CAMK1D: variants seen among roughly 807,000 people sequenced by gnomAD.
CAMK1D encodes calcium/calmodulin-dependent protein kinase type 1D.
In CAMK1D, 9 loss-of-function variants were observed where a neutral mutation model predicts 47.7. The ratio of observed to expected loss-of-function variants is 0.19; its 90% CI spans 0.11 to 0.33. The LOEUF (loss-of-function observed/expected upper bound fraction) is 0.33, where lower values mean the gene tolerates loss of function less well. Ranked by LOEUF, CAMK1D falls within the 10% of genes least tolerant of loss-of-function variation. The pLI is 1.00. For missense variants in CAMK1D, 291 were observed against 488.7 expected, an observed-to-expected ratio of 0.60 and a Z score of 3.81; for synonymous variants, 184 against 184.9, an observed-to-expected ratio of 0.99 and a Z score of 0.04.
At chr10:12,508,701 C>G (rs1333724581) in intron 1 of CAMK1D, among the ~76,000 whole-genome samples, 1 of 152,202 alleles carries the variant, frequency 6.6e-6, no homozygotes, top group Non-Finnish European at 1.5e-5. Flanking sequence ...TGGGTCTCCT[C>G]CCTTTCTCCC....
chr10:12,367,398 G>T (rs973612723), intron 1 of CAMK1D, among the ~76,000 whole-genome samples: 10 of 152,014 alleles, frequency 6.6e-5, no homozygotes, highest in African/African-American at 2.2e-4. Context: ...GACGAGGGGT[G>T]GGGGGATGGT....
intron 2 of CAMK1D, among the ~76,000 whole-genome samples, chr10:12,613,578 A>T (rs969069404): frequency 2.0e-5 from 3 of 152,190 alleles, no homozygotes; most frequent in African/African-American, 7.2e-5. Flanking sequence ...CCGGGGGTGC[A>T]GGTGATTCTC....
At chr10:12,533,623 C>T (rs1835876198) in intron 1 of CAMK1D, among the ~76,000 whole-genome samples, 1 of 152,066 alleles carries the variant, frequency 6.6e-6, no homozygotes, top group Non-Finnish European at 1.5e-5. Flanking sequence ...ACCCTGCCTC[C>T]CTCTACTCTT....
chr10:12,559,515 C>G (rs996422376), intron 2 of CAMK1D, among the ~76,000 whole-genome samples: 5 of 152,116 alleles, frequency 3.3e-5, no homozygotes, highest in Non-Finnish European at 1.5e-5. Flanking sequence ...CGTATGATGA[C>G]TAGGAGTGTG....
chr10:12,805,386 TTA>T (rs1183728913), intron 6 of CAMK1D, among the ~76,000 whole-genome samples: 7 of 141,592 alleles, frequency 4.9e-5, no homozygotes, highest in African/African-American at 2.1e-4. Flanking sequence ...TTTTTTTTTT[TTA>T]AACACAGAGT....
rs571287312 is a variant in CAMK1D, at chr10:12,414,525, C to T, written c.92+64615C>T. Among the ~76,000 whole-genome samples the T allele has an allele frequency of 1.3e-3, 198 of 152,226 alleles. 1 individual carries two copies. Among genetic ancestry groups the T allele is most frequent in the African/African-American group, 4.1e-3 (169 of 41,542 alleles). On this transcript the variant is annotated intron_variant, in intron 1 of 10. Coordinates refer to ENST00000619168, the MANE Select transcript of CAMK1D (RefSeq NM_153498.4). Reference sequence around the variant, plus strand: ...TTTCTCATAGTCAGTGGGAGATGTACGTTTTGTACAAGCATTTTGCATTTT... The same window carrying T: ...TTTCTCATAGTCAGTGGGAGATGTATGTTTTGTACAAGCATTTTGCATTTT...
intron 1 of CAMK1D, among the ~76,000 whole-genome samples, chr10:12,495,428 T>C (rs17151786): frequency 0.23 from 34,920 of 152,166 alleles, 4,135 homozygotes; most frequent in African/African-American, 0.28. Flanking sequence ...AACCATGATA[T>C]GCCTTTTCCG....
At chr10:12,753,831 GC>G (rs1836105766) in intron 3 of CAMK1D, among the ~76,000 whole-genome samples, 1 of 152,056 alleles carries the variant, frequency 6.6e-6, no homozygotes, top group Non-Finnish European at 1.5e-5. Flanking sequence ...CATTTACTGG[GC>G]CTTGGCTGCC....
intron 6 of CAMK1D, among the ~76,000 whole-genome samples, chr10:12,794,009 G>C (rs1286757378): frequency 6.6e-6 from 1 of 152,206 alleles, no homozygotes; most frequent in African/African-American, 2.4e-5. Flanking sequence ...GGAGGGTTTT[G>C]AACAGTGTTG....
chr10:12,767,418 C>T (rs772488357), intron 4 of CAMK1D, among the ~76,000 whole-genome samples: 3 of 152,090 alleles, frequency 2.0e-5, no homozygotes, highest in Non-Finnish European at 4.4e-5. Context: ...CTCAGGTGAT[C>T]CCCTCTCCTC....
chr10:12,665,893 C>A (rs1840414223), intron 2 of CAMK1D, among the ~76,000 whole-genome samples: 1 of 152,240 alleles, frequency 6.6e-6, no homozygotes. Flanking sequence ...GGGGCCAGAC[C>A]CCCAGGCGAT....
chr10:12,767,895 G>A (rs372041822), intron 4 of CAMK1D, among the ~76,000 whole-genome samples: 4 of 152,062 alleles, frequency 2.6e-5, no homozygotes, highest in African/African-American at 9.7e-5. Context: ...ATTTTGAGAC[G>A]GAGTTTCACT....
chr10:12,548,209 G>C (rs1188437625), intron 1 of CAMK1D, among the ~76,000 whole-genome samples: 2 of 152,210 alleles, frequency 1.3e-5, no homozygotes, highest in African/African-American at 4.8e-5. Context: ...GCTGTAAGGA[G>C]TGGATTCACT....
intron 1 of CAMK1D, among the ~76,000 whole-genome samples, chr10:12,375,892 G>C (rs1838162971): frequency 6.6e-6 from 1 of 152,102 alleles, no homozygotes; most frequent in South Asian, 2.1e-4. Flanking sequence ...GCCGGGCACG[G>C]TGGCTCACAC....
intron 1 of CAMK1D, among the ~76,000 whole-genome samples, chr10:12,482,591 C>G (rs1487643680): frequency 6.6e-6 from 1 of 152,126 alleles, no homozygotes; most frequent in Non-Finnish European, 1.5e-5. Context: ...GGCCTGGGAA[C>G]CTGCGGAACT....
At chr10:12,690,901 G>A (rs970886347) in intron 3 of CAMK1D, among the ~76,000 whole-genome samples, 1 of 152,082 alleles carries the variant, frequency 6.6e-6, no homozygotes, top group Non-Finnish European at 1.5e-5. Flanking sequence ...TTAGTAACAC[G>A]GGATACGTGA....
intron 1 of CAMK1D, among the ~76,000 whole-genome samples, chr10:12,517,232 A>G (rs12414967): frequency 0.52 from 79,561 of 151,850 alleles, 20,988 homozygotes; most frequent in South Asian, 0.68. Context: ...GTATGCTGTG[A>G]CCTTGCCAAA....
At chr10:12,444,074 G>A (rs1247509896) in intron 1 of CAMK1D, among the ~76,000 whole-genome samples, 3 of 152,208 alleles carry the variant, frequency 2.0e-5, no homozygotes, top group African/African-American at 7.2e-5. Context: ...CGGGAGTGTA[G>A]CAGTGAGGAC....
intron 1 of CAMK1D, among the ~76,000 whole-genome samples, chr10:12,390,724 C>T (rs1049274355): frequency 6.6e-5 from 10 of 152,054 alleles, no homozygotes; most frequent in Non-Finnish European, 1.2e-4. Flanking sequence ...TCTAGTCGAA[C>T]GTGTAAAGGA....
Sources: gnomAD v4.1 joint callset for allele counts (sites outside exome capture counted in the v4.1 genomes callset) on GRCh38, gnomAD v4.1.1 for gene constraint, MANE v1.5 for transcripts, NCBI Gene and HGNC (gene_info 2026-07-23, HGNC 2026-07-21) for gene names.